The following DGKZ variants were observed in gnomAD, a reference collection of about 807,000 sequenced individuals.
The protein encoded by DGKZ is diacylglycerol kinase zeta.
Under a neutral mutation model 142.5 loss-of-function variants are expected in DGKZ, and 45 were observed. The ratio of observed to expected loss-of-function variants is 0.32; its 90% confidence interval spans 0.25 to 0.40. The LOEUF is 0.40. Ranked by LOEUF, DGKZ falls within the 10% of genes least tolerant of loss-of-function variation. The pLI, the probability that DGKZ is intolerant of heterozygous loss-of-function variation, is 1.00. For missense variants in DGKZ, 755 were observed against 1,306.5 expected (o/e 0.58, Z 6.51); for synonymous variants, 442 against 527.0 (o/e 0.84, Z 2.21).
chr11:46,339,173 C>T (rs999381643), intron 1 of DGKZ, among the ~76,000 whole-genome samples: 6 of 152,220 alleles, frequency 3.9e-5, no homozygotes, highest in Admixed American at 1.3e-4. Context: ...TGCGGGTCCA[C>T]GACTCCTCAA....
intron 1 of DGKZ, chr11:46,333,512 A>G: frequency 6.5e-7 from 1 of 1,537,270 alleles, no homozygotes; most frequent in East Asian, 2.5e-5. Flanking sequence ...GGCAGAGGGG[A>G]GCGCGGCGCT....
chr11:46,333,463 A>G (rs1939866172), exon 1 of DGKZ: 5 of 1,538,580 alleles, frequency 3.2e-6, no homozygotes, highest in African/African-American at 1.4e-5. Flanking sequence ...CGCCAGCTGC[A>G]CCTACGAAAG....
At chr11:46,352,876 G>T (rs1941581089) in intron 1 of DGKZ, among the ~76,000 whole-genome samples, 1 of 152,116 alleles carries the variant, frequency 6.6e-6, no homozygotes, top group South Asian at 2.1e-4. Context: ...ACAGGACTTG[G>T]CTGGCACTTG....
intron 27 of DGKZ, 56 bp downstream of exon 27, chr11:46,378,556 G>A (rs756669819): frequency 6.8e-6 from 11 of 1,609,718 alleles, no homozygotes; most frequent in Middle Eastern, 1.6e-4. Flanking sequence ...GCCCTGGGGA[G>A]CGAGGCCTCT....
At chr11:46,347,387 C>T (rs1212013376), upstream of DGKZ, 2 of 983,920 alleles carry the variant, frequency 2.0e-6, no homozygotes, top group Non-Finnish European at 2.4e-6. This position sits in a 1 kb window ranked among gnomAD's most constrained non-coding sequence, Gnocchi z 6.4. Context: ...TGCCACCGTG[C>T]GGCCGAGGGG....
At chr11:46,370,498 T>C (rs1205381702) in intron 6 of DGKZ, among the ~76,000 whole-genome samples, 1 of 152,200 alleles carries the variant, frequency 6.6e-6, no homozygotes, top group East Asian at 1.9e-4. Context: ...GCTTCACTGA[T>C]TCTCAGCGCC....
At position 46,372,406 on chromosome 11, in the gene DGKZ, C is replaced by T. The variant is rs779188519; in HGVS notation, c.928-22C>T. 2.5e-6 allele frequency: 4 copies of T among 1,613,520 alleles called. No individual in the cohort carries two copies. In the South Asian group the frequency reaches 4.4e-5, roughly 18 times the overall value. Reference sequence around the variant, plus strand: ...TCGTCCCACCACTGCCTGACTGTCTCTTGGCTCCCCATCCCATCCAGGGTG... The same window carrying T: ...TCGTCCCACCACTGCCTGACTGTCTTTTGGCTCCCCATCCCATCCAGGGTG... On this transcript the variant is annotated intron_variant, in intron 10 of 30. Coordinates refer to ENST00000527911, the Ensembl canonical transcript of DGKZ. This position sits in a 1 kb window ranked among gnomAD's most constrained non-coding sequence, Gnocchi z 5.9.
chr11:46,378,151 G>T (rs891176861), intron 25 of DGKZ, 47 bp from the exon 26 acceptor site: 1 of 1,590,656 alleles, frequency 6.3e-7, no homozygotes, highest in African/African-American at 1.3e-5. Context: ...AGGGCGACCA[G>T]CTGGCCTGTG....
intron 27 of DGKZ, 183 bp downstream of exon 27, chr11:46,378,683 A>C (rs1441414456): frequency 1.1e-6 from 1 of 923,258 alleles, no homozygotes; most frequent in Admixed American, 2.0e-5. Flanking sequence ...AGGCCACAAT[A>C]GATGGCTCCT....
At chr11:46,379,632 C>T (rs1405965810) in intron 30 of DGKZ, 64 bp downstream of exon 30, 13 of 1,443,468 alleles carry the variant, frequency 9.0e-6, no homozygotes, top group South Asian at 2.6e-5. Context: ...AGGTCCTAGG[C>T]GGGAGCTGGG....
intron 16 of DGKZ, 34 bp downstream of exon 16, chr11:46,374,488 CTCT>C: frequency 6.2e-7 from 1 of 1,613,920 alleles, no homozygotes; most frequent in South Asian, 1.1e-5. Context: ...CTGTGCCCAC[CTCT>C]TCTACCACCC....
At position 46,372,766 on chromosome 11, in the gene DGKZ, C is replaced by T. The variant is rs763008369; in HGVS notation, c.1072-5C>T. The T allele has an allele frequency of 3.7e-6, 6 of 1,607,368 alleles. No individual in the cohort carries two copies. Among genetic ancestry groups the T allele is most frequent in the East Asian group, 2.2e-5 (1 of 44,546 alleles). ...CCTGATTTGCCTCTGTTCTTCCTCC[C>T]CCAGGTGGGCTGGATCCTCTCCACC... On this transcript the variant is annotated splice_polypyrimidine_tract_variant and splice_region_variant and intron_variant, in intron 12 of 30. Coordinates refer to ENST00000527911, the Ensembl canonical transcript of DGKZ. This position sits in a 1 kb window ranked among gnomAD's most constrained non-coding sequence, Gnocchi z 5.9.
At chr11:46,376,736 C>T in intron 24 of DGKZ, 172 bp downstream of exon 24, 2 of 915,684 alleles carry the variant, frequency 2.2e-6, no homozygotes, top group Non-Finnish European at 1.7e-6. Flanking sequence ...GCCCTCCACA[C>T]TGGAGAGTAT....
chr11:46,335,811 G>T (rs1202314380), intron 1 of DGKZ, among the ~76,000 whole-genome samples: 1 of 152,234 alleles, frequency 6.6e-6, no homozygotes, highest in Non-Finnish European at 1.5e-5. Context: ...AGGCCCAGGG[G>T]ACCCCAGGGG....
rs1283453025 is a variant in DGKZ, at chr11:46,373,333, C to T, written c.1326+232C>T. On this transcript the variant is annotated intron_variant, in intron 14 of 30. Coordinates refer to ENST00000527911, the Ensembl canonical transcript of DGKZ. ...ACTGAGTCTCGCTCTGTTACCCAGG[C>T]TGGAGTGCAGTGGCGCAATCCCAGC... is the stretch of plus-strand genomic sequence containing the variant. 2.2e-5 allele frequency among the ~76,000 whole-genome samples: 3 copies of T among 136,032 alleles called. 1 individual carries two copies. In the Admixed American group the frequency reaches 2.4e-4, roughly 11 times the overall value. The allele number at this position is 136,032 out of a possible 152,430, so 89.2% of individuals were successfully genotyped here. A position where few individuals can be genotyped will look rare whatever the true frequency, so the allele number is the denominator to read the frequency against.
chr11:46,361,517 G>A (rs951076934), intron 1 of DGKZ: 6 of 558,152 alleles, frequency 1.1e-5, no homozygotes, highest in African/African-American at 1.0e-4. Context: ...GTTACCAATC[G>A]GGTTATTTTC....
chr11:46,374,168 T>C, exon 15 of DGKZ: 2 of 1,614,188 alleles, frequency 1.2e-6, no homozygotes, highest in African/African-American at 1.3e-5. Flanking sequence ...TGCCCCTGGA[T>C]GTCTTCAACA....
intron 1 of DGKZ, chr11:46,364,606 C>T (rs1671615638): frequency 1.3e-5 from 13 of 985,332 alleles, no homozygotes; most frequent in African/African-American, 1.7e-5. Flanking sequence ...TAGGCACCTC[C>T]ACCCTGTCCA....
intron 29 of DGKZ, 96 bp downstream of exon 29, chr11:46,379,332 G>A (rs1421039564): frequency 6.3e-7 from 1 of 1,584,300 alleles, no homozygotes; most frequent in Non-Finnish European, 8.6e-7. Context: ...TAAACTTCCT[G>A]GTCACATCTG....
Sources: allele counts gnomAD v4.1 joint callset (sites outside exome capture counted in the v4.1 genomes callset), GRCh38; gene constraint gnomAD v4.1.1; non-coding constraint Gnocchi (gnomAD v3.1); transcripts MANE v1.5; gene names NCBI Gene and HGNC (gene_info 2026-07-23, HGNC 2026-07-21).